The following HMBOX1 variants were observed in gnomAD, a reference collection of about 807,000 sequenced individuals.
HMBOX1 encodes homeobox containing 1, also known as homeobox-containing protein 1.
A neutral mutation model predicts 54.5 loss-of-function variants in HMBOX1; 14 were observed. The observed-to-expected ratio is 0.26, with a 90% CI of 0.17 to 0.40. HMBOX1 has a LOEUF of 0.40. HMBOX1 is among the 10% of genes least tolerant of loss of function. HMBOX1 has a pLI of 1.00. For synonymous variants in HMBOX1, 160 were observed against 181.0 expected (o/e 0.88, Z 0.93); for missense variants, 332 against 514.4 (o/e 0.65, Z 3.43).
At chr8:29,003,020 T>C (rs1586405841) in intron 4 of HMBOX1, among the ~76,000 whole-genome samples, 1 of 151,990 alleles carries the variant, frequency 6.6e-6, no homozygotes, top group African/African-American at 2.4e-5. Flanking sequence ...TATTCAGTAA[T>C]GGTGAGAATG....
At chr8:28,894,366 C>T (rs1811651488) in intron 1 of HMBOX1, among the ~76,000 whole-genome samples, 1 of 152,132 alleles carries the variant, frequency 6.6e-6, no homozygotes, top group Non-Finnish European at 1.5e-5. Flanking sequence ...ATCTGAGCCA[C>T]AAATAGCAGA....
chr8:28,959,830 G>T (rs1286975879), intron 1 of HMBOX1, among the ~76,000 whole-genome samples: 8 of 151,926 alleles, frequency 5.3e-5, no homozygotes, highest in Non-Finnish European at 1.2e-4. Context: ...TACTCTATTT[G>T]GTTTGACTAA....
rs145987685 is a variant in HMBOX1 at position 29,036,619 on chromosome 8, C to T, written c.852-8742C>T. Among the ~76,000 whole-genome samples, 28 of 152,222 alleles carry T rather than the reference C, an allele frequency of 1.8e-4. No homozygotes were observed. In the East Asian group the frequency reaches 5.2e-3, roughly 28 times the overall value. ...GCTATCATGAGTTTCTTTCTGATAC[C>T]GTCACATCTTTGCTTCCAGGAACTC... is the stretch of plus-strand genomic sequence containing the variant. On this transcript the variant is annotated intron_variant, in intron 6 of 9. Transcript: ENST00000287701.
intron 3 of HMBOX1, among the ~76,000 whole-genome samples, chr8:28,977,994 C>T (rs1462540181): frequency 1.3e-5 from 2 of 151,908 alleles, no homozygotes; most frequent in Non-Finnish European, 2.9e-5. Flanking sequence ...TATAGACAGT[C>T]ATTTTGGGAA....
At chr8:28,955,165 A>G (rs1402252640) in intron 1 of HMBOX1, among the ~76,000 whole-genome samples, 4 of 152,114 alleles carry the variant, frequency 2.6e-5, no homozygotes, top group Middle Eastern at 3.2e-3. Context: ...TATATTTGTT[A>G]CATGTATATA....
At chr8:28,971,816 T>C (rs1384668673) in intron 3 of HMBOX1, among the ~76,000 whole-genome samples, 2 of 152,208 alleles carry the variant, frequency 1.3e-5, no homozygotes, top group Non-Finnish European at 2.9e-5. Context: ...GATAAAGGTA[T>C]TGTTTTCAGT....
Position 29,049,006 on chromosome 8 carries a change from C to G in HMBOX1, c.1083C>G (p.His361Gln). The G allele has an allele frequency of 6.2e-7, 1 of 1,614,106 alleles. No individual in the cohort carries two copies. The highest frequency in any genetic ancestry group is 8.5e-7 in the Non-Finnish European group (1 of 1,180,010). The stretch of plus-strand genomic sequence containing the variant: ...TAGATGTGCAGAGTCCAGGAGGCCA[C>G]TCAAACAGTGATGATGTCGACGGGA... ...HGIDVQSPGGHSNSDDVDGND... is the reference protein window; with the variant it reads ...HGIDVQSPGGQSNSDDVDGND... The change falls in exon 9 of 10, where the codon CAC (histidine) becomes CAG (glutamine). Residue 361 changes from histidine (H) to glutamine (Q), a missense_variant. His to Gln is a conservative substitution (Grantham distance 24, BLOSUM62 0). This residue lies in a region of HMBOX1 where 69 missense variants were observed against 104.6 expected (regional missense o/e 0.66). Transcript: ENST00000287701.
intron 1 of HMBOX1, among the ~76,000 whole-genome samples, chr8:28,905,990 C>G (rs965881116): frequency 1.3e-5 from 2 of 152,118 alleles, no homozygotes; most frequent in African/African-American, 4.8e-5. Flanking sequence ...ATAATTTTGG[C>G]TACATGAATT....
At chr8:29,003,559 T>TATATATATATAC (rs1832985530) in intron 4 of HMBOX1, among the ~76,000 whole-genome samples, 1 of 123,934 alleles carries the variant, frequency 8.1e-6, no homozygotes, top group South Asian at 2.5e-4. Context: ...GTATTAAATA[T>TATATATATATAC]ATATATATAT....
intron 1 of HMBOX1, among the ~76,000 whole-genome samples, chr8:28,940,157 G>A (rs1156418440): frequency 3.9e-5 from 6 of 151,990 alleles, no homozygotes; most frequent in Non-Finnish European, 8.8e-5. Flanking sequence ...ACATTCATGT[G>A]CCACCACACC....
chr8:28,896,817 C>T (rs115168561), intron 1 of HMBOX1, among the ~76,000 whole-genome samples: 2,300 of 152,264 alleles, frequency 0.015, 43 homozygotes, highest in African/African-American at 0.046. Flanking sequence ...GTGCGTTTCT[C>T]AGAGTGTATC....
At position 28,910,152 on chromosome 8, in the gene HMBOX1, T is replaced by C. The variant is rs147226731; in HGVS notation, c.-58+19474T>C. Among the ~76,000 whole-genome samples the C allele has an allele frequency of 2.2e-3, 332 of 152,344 alleles. 1 individual carries two copies. The highest frequency in any genetic ancestry group is 3.1e-3 in the Non-Finnish European group (213 of 68,030). ...AGATTTGTACTTTCCAGACATTTTA[T>C]GTAAATGGAATCAGACAGTATGTGG... On this transcript the variant is annotated intron_variant, in intron 1 of 9. Coordinates refer to ENST00000287701, the MANE Select transcript of HMBOX1 (RefSeq NM_001135726.3).
chr8:29,008,067 G>GGT, intron 4 of HMBOX1, among the ~76,000 whole-genome samples: 1 of 152,290 alleles, frequency 6.6e-6, no homozygotes, highest in African/African-American at 2.4e-5. Context: ...AGTCGACACA[G>GGT]GTGATATTCA....
chr8:29,003,555 A>AAAATATATATATATATATATATAT (rs1554567241), intron 4 of HMBOX1, among the ~76,000 whole-genome samples: 1 of 71,312 alleles, frequency 1.4e-5, no homozygotes, highest in Non-Finnish European at 2.7e-5. Context: ...TTCTGTATTA[A>AAAATATATATATATATATATATAT]ATATATATAT....
intron 5 of HMBOX1, among the ~76,000 whole-genome samples, chr8:29,018,510 C>G (rs866031241): frequency 6.6e-6 from 1 of 151,998 alleles, no homozygotes; most frequent in Non-Finnish European, 1.5e-5. Flanking sequence ...TTGTCTCCTA[C>G]CTGCATAAAT....
intron 1 of HMBOX1, among the ~76,000 whole-genome samples, chr8:28,944,650 T>G: frequency 6.6e-6 from 1 of 152,160 alleles, no homozygotes; most frequent in East Asian, 1.9e-4. Flanking sequence ...AAATTCCCAC[T>G]GGAGAGAGGT....
At chr8:29,030,308 C>T (rs1802750269) in intron 6 of HMBOX1, among the ~76,000 whole-genome samples, 1 of 151,920 alleles carries the variant, frequency 6.6e-6, no homozygotes, top group South Asian at 2.1e-4. Context: ...ACATCCGCCT[C>T]CCAGGTTCAA....
intron 1 of HMBOX1, among the ~76,000 whole-genome samples, chr8:28,904,293 GC>G (rs1813823744): frequency 6.7e-6 from 1 of 149,886 alleles, no homozygotes; most frequent in Admixed American, 6.7e-5. Context: ...CTGTCTTCAG[GC>G]TGGAGTGCAG....
At chr8:28,926,964 G>A (rs1394979843) in intron 1 of HMBOX1, among the ~76,000 whole-genome samples, 2 of 152,154 alleles carry the variant, frequency 1.3e-5, no homozygotes, top group African/African-American at 4.8e-5. Flanking sequence ...AAAATTGTTG[G>A]ATGATTACCA....
Sources: gnomAD v4.1 joint callset for allele counts (sites outside exome capture counted in the v4.1 genomes callset) on GRCh38, gnomAD v4.1.1 for gene constraint, gnomAD v4.1.1 regional missense constraint, MANE v1.5 for transcripts, NCBI Gene and HGNC (gene_info 2026-07-23, HGNC 2026-07-21) for gene names.